GRK1: variants seen among roughly 807,000 people sequenced by gnomAD.
GRK1 encodes rhodopsin kinase GRK1.
A neutral mutation model predicts 41.7 loss-of-function variants in GRK1; 28 were observed. The observed-to-expected ratio is 0.67, with a 90% CI of 0.50 to 0.92. The LOEUF (loss-of-function observed/expected upper bound fraction) is 0.92. Ranked by LOEUF, GRK1 falls within the 40% of genes least tolerant of loss-of-function variation. The probability of loss-of-function intolerance (pLI) is 0.00; values close to 1 mark genes in which losing one functional copy is unlikely to be tolerated. For synonymous variants in GRK1, 327 were observed against 286.7 expected (o/e 1.14, Z -1.42); for missense variants, 703 against 671.2 (o/e 1.05, Z -0.52).
intron 6 of GRK1, among the ~76,000 whole-genome samples, chr13:113,733,499 ATG>A (rs1274417081): frequency 3.4e-5 from 5 of 148,056 alleles, no homozygotes; most frequent in Admixed American, 6.7e-5. Flanking sequence ...GCGTGTGTGT[ATG>A]TGTGTGCACG....
the GRK1 span, among the ~76,000 whole-genome samples, chr13:113,656,122 A>C: frequency 6.6e-6 from 1 of 152,172 alleles, no homozygotes; most frequent in South Asian, 2.1e-4. Flanking sequence ...CAGCTTCAGC[A>C]GTGTGGGGCC....
rs1165342277 is a variant in GRK1, at chr13:113,732,870, G to C, written c.1195-14G>C. On this transcript the variant is annotated splice_polypyrimidine_tract_variant and intron_variant, in intron 5 of 6. Transcript: ENST00000335678. ...GCGGGTCTGGCAGGGCTAAGGCTAC[G>C]CGTGTCCCCACAGGTGGAGAACAAG... is the stretch of plus-strand genomic sequence containing the variant. The C allele has an allele frequency of 6.5e-7, 1 of 1,535,864 alleles. No homozygotes were observed. Among genetic ancestry groups the C allele is most frequent in the Non-Finnish European group, 8.7e-7 (1 of 1,146,654 alleles).
upstream of GRK1, among the ~76,000 whole-genome samples, chr13:113,666,804 C>T (rs2049821807): frequency 6.6e-6 from 1 of 152,196 alleles, no homozygotes; most frequent in African/African-American, 2.4e-5. Flanking sequence ...TTCCTATTAT[C>T]AGGTGGTTTT....
intron 4 of GRK1, among the ~76,000 whole-genome samples, chr13:113,730,933 G>A (rs1282482931): frequency 2.6e-5 from 4 of 152,216 alleles, no homozygotes; most frequent in African/African-American, 7.2e-5. Flanking sequence ...AACAAGTCCC[G>A]CCCTGTGCCC....
intron 2 of GRK1, among the ~76,000 whole-genome samples, chr13:113,670,150 G>A (rs1372896533): frequency 6.6e-6 from 1 of 152,166 alleles, no homozygotes; most frequent in Non-Finnish European, 1.5e-5. Context: ...TGCACCAGGA[G>A]GGTAAATGAA....
the GRK1 span, among the ~76,000 whole-genome samples, chr13:113,654,003 C>T: frequency 6.6e-6 from 1 of 152,192 alleles, no homozygotes; most frequent in Non-Finnish European, 1.5e-5. Flanking sequence ...AGCCCGCCAT[C>T]CACACACCAC....
chr13:113,661,117 A>G, the GRK1 span, among the ~76,000 whole-genome samples: 3 of 152,236 alleles, frequency 2.0e-5, no homozygotes, highest in African/African-American at 7.2e-5. Flanking sequence ...AGGAAGTCTT[A>G]GCAAATTTAA....
chr13:113,728,048 CGAT>C (rs2049903728), intron 4 of GRK1, among the ~76,000 whole-genome samples: 5 of 64,994 alleles, frequency 7.7e-5, no homozygotes, highest in East Asian at 5.2e-4. Context: ...GTACCCATGG[CGAT>C]GAGGAGTACC....
At chr13:113,653,421 C>A in the GRK1 span, 7 of 1,614,088 alleles carry the variant, frequency 4.3e-6, no homozygotes, top group African/African-American at 5.3e-5. Context: ...AAACATCCGG[C>A]CTTAAGGTTA....
the GRK1 span, chr13:113,650,535 C>G: frequency 6.3e-7 from 1 of 1,584,468 alleles, no homozygotes; most frequent in Non-Finnish European, 8.6e-7. The surrounding 1 kb of genome is among the most constrained non-coding windows in gnomAD (Gnocchi z 5.0). Context: ...CTGCCTGAGT[C>G]AGGCGGGAGC....
the GRK1 span, chr13:113,651,566 G>T: frequency 7.7e-7 from 1 of 1,291,136 alleles, no homozygotes; most frequent in South Asian, 1.8e-5. Context: ...GCCGACGGCT[G>T]ACATTCCTGG....
At chr13:113,660,891 C>T in the GRK1 span, among the ~76,000 whole-genome samples, 3 of 152,296 alleles carry the variant, frequency 2.0e-5, no homozygotes, top group East Asian at 5.8e-4. Context: ...TAAAAGTAGA[C>T]ATAAACACAT....
intron 6 of GRK1, 108 bp downstream of exon 6, chr13:113,733,193 A>C: frequency 9.0e-7 from 1 of 1,116,132 alleles, no homozygotes; most frequent in Non-Finnish European, 1.3e-6. Context: ...AGTGCCTCAG[A>C]CCCCCAAGGC....
chr13:113,732,035 G>A (rs140766627), intron 5 of GRK1, among the ~76,000 whole-genome samples: 1,777 of 152,288 alleles, frequency 0.012, 28 homozygotes, highest in African/African-American at 0.041. Context: ...GATAACATTG[G>A]GAGGTGCCAG....
the GRK1 span, chr13:113,658,101 T>G: frequency 1.4e-5 from 23 of 1,612,774 alleles, no homozygotes; most frequent in Non-Finnish European, 1.9e-5. Flanking sequence ...CTGGAACTCC[T>G]CCATGCGCTG....
chr13:113,666,729 C>T (rs1418412573), upstream of GRK1, among the ~76,000 whole-genome samples: 2 of 152,162 alleles, frequency 1.3e-5, no homozygotes, highest in Non-Finnish European at 2.9e-5. Flanking sequence ...CCTCAGTAAG[C>T]GCTGGTGGTC....
rs564284748 is a variant in GRK1, at chr13:113,668,019, G to A, written c.633G>A (p.Ala211=). ...FGEVSACQMK[A]TGKLYACKKL... The stretch of plus-strand genomic sequence containing the variant: ...AGGTGTCGGCCTGCCAGATGAAGGC[G>A]ACCGGCAAGCTGTATGCCTGCAAGA... The change falls in exon 1 of 7, where the codon GCG becomes GCA. Residue 211 remains alanine, a synonymous_variant. Coordinates refer to ENST00000335678, the MANE Select transcript of GRK1 (RefSeq NM_002929.3). The A allele has an allele frequency of 9.9e-6, 16 of 1,611,620 alleles. No individual in the cohort carries two copies. Among genetic ancestry groups the A allele is most frequent in the Admixed American group, 5.0e-5 (3 of 59,688 alleles).
rs2049992634 is a variant in GRK1, at chr13:113,735,080, C to T, written c.1409C>T (p.Pro470Leu). Residue 470 changes from proline to leucine, a missense_variant, in exon 7 of 7, where the codon CCC becomes CTC. Transcript: ENST00000335678. Reference protein sequence around the residue: ...WRQLEAGMLMPPFIPDSKTVY... With the variant: ...WRQLEAGMLMLPFIPDSKTVY... ...CTGTCTCCCACAGGGATGCTGATGC[C>T]CCCTTTCATCCCAGACTCCAAAACT... 1 of 1,515,960 alleles carries T rather than the reference C, an allele frequency of 6.6e-7. No individual in the cohort carries two copies. The highest frequency in any genetic ancestry group is 1.4e-5 in the African/African-American group (1 of 72,590). The allele number at this position is 1,515,960 out of a possible 1,614,324, so 93.9% of individuals were successfully genotyped here. A position where few individuals can be genotyped will look rare whatever the true frequency, so the allele number is the denominator to read the frequency against.
intron 6 of GRK1, among the ~76,000 whole-genome samples, chr13:113,734,014 A>ACATG (rs2049981482): frequency 3.1e-5 from 3 of 97,324 alleles, no homozygotes; most frequent in Admixed American, 1.9e-4. Context: ...GTGTGCGTGC[A>ACATG]TGTGTGTGCG....
Sources: gnomAD v4.1 joint callset for allele counts (sites outside exome capture counted in the v4.1 genomes callset) on GRCh38, gnomAD v4.1.1 for gene constraint, Gnocchi (gnomAD v3.1) non-coding constraint, MANE v1.5 for transcripts, NCBI Gene and HGNC (gene_info 2026-07-23, HGNC 2026-07-21) for gene names.